The following SHBG variants were observed in gnomAD, a reference collection of about 807,000 sequenced individuals.
SHBG encodes the protein sex hormone-binding globulin.
A neutral mutation model predicts 41.9 loss-of-function variants in SHBG; 37 were observed. That is an observed-to-expected ratio of 0.88 (90% CI 0.68 to 1.16). The LOEUF is 1.16. SHBG is among the 50% of genes most tolerant of loss of function. The pLI is 0.00. For missense variants in SHBG, 466 were observed against 499.9 expected, an observed-to-expected ratio of 0.93 and a Z score of 0.65; for synonymous variants, 217 against 205.8, an observed-to-expected ratio of 1.05 and a Z score of -0.47.
chr17:7,621,094 CAAAAAAAAAAA>C (rs61026446), intron 1 of SHBG, among the ~76,000 whole-genome samples: 8 of 52,296 alleles, frequency 1.5e-4, no homozygotes, highest in East Asian at 6.1e-4. Flanking sequence ...GACCCTGTCA[CAAAAAAAAAAA>C]AAAAAAAAAA....
chr17:7,626,476 C>T (rs775731181), upstream of SHBG: 1 of 1,614,102 alleles, frequency 6.2e-7, no homozygotes, highest in Non-Finnish European at 8.5e-7. Flanking sequence ...CTCGTTGCCT[C>T]TCCTTGAAAG....
chr17:7,626,876 A>G, upstream of SHBG: 9 of 1,601,676 alleles, frequency 5.6e-6, no homozygotes, highest in Non-Finnish European at 7.7e-6. Context: ...GGCTCTGGGG[A>G]CAGGGGATAA....
At position 7,630,723 on chromosome 17, in the gene SHBG, G is replaced by C; in HGVS notation, c.247G>C (p.Val83Leu). The change falls in exon 3 of 8, where the codon GTG becomes CTG. Residue 83 changes from valine (V) to leucine (L), a missense_variant. Physicochemically the swap from Val to Leu is conservative, Grantham distance 32. Transcript: ENST00000380450. The surrounding 1 kb of genome is among the most constrained non-coding windows in gnomAD (Gnocchi z 4.6). ...GGTTCGAACCTGGGACCCAGAGGGA[G>C]TGATTTTTTATGGGGATACCAACCC... ...FEVRTWDPEG[V>L]IFYGDTNPKD... is the part of the protein sequence containing the mutation. The C allele has an allele frequency of 6.2e-7, 1 of 1,614,152 alleles. No homozygotes were observed. Among genetic ancestry groups the C allele is most frequent in the Non-Finnish European group, 8.5e-7 (1 of 1,180,032 alleles).
chr17:7,615,647 A>C (rs1316034921), intron 1 of SHBG, among the ~76,000 whole-genome samples: 1,709 of 97,434 alleles, frequency 0.018, no homozygotes, highest in Non-Finnish European at 0.019. Context: ...GGTGAAACCC[A>C]CCCCCCCCCC....
Position 7,632,175 on chromosome 17 carries a change from G to A in SHBG, c.852+160G>A, listed in dbSNP as rs563499522. On this transcript the variant is annotated intron_variant, in intron 6 of 7. Coordinates refer to ENST00000380450, the MANE Select transcript of SHBG (RefSeq NM_001040.5). ...TTTTCATTAATAATTAGCCAGGCATGGTGGTGCTTGCCTGTAATCCCAGGT... is the reference window on the plus strand; with the variant it reads ...TTTTCATTAATAATTAGCCAGGCATAGTGGTGCTTGCCTGTAATCCCAGGT... 1.5e-4 allele frequency: 117 copies of A among 794,532 alleles called. 1 individual carries two copies. In the East Asian group the frequency reaches 3.0e-3, roughly 20 times the overall value. The allele number at this position is 794,532 out of a possible 1,614,324, so 49.2% of individuals were successfully genotyped here.
At chr17:7,628,216 A>T, upstream of SHBG, 1 of 405,306 alleles carries the variant, frequency 2.5e-6, no homozygotes, top group South Asian at 1.8e-5. Flanking sequence ...ATGAAGTGTT[A>T]CCTCTTGGGG....
upstream of SHBG, among the ~76,000 whole-genome samples, chr17:7,625,830 G>A (rs1460410212): frequency 6.6e-6 from 1 of 151,180 alleles, no homozygotes; most frequent in Non-Finnish European, 1.5e-5. Flanking sequence ...GGCGGATGTT[G>A]CAGTGAGCCA....
upstream of SHBG, chr17:7,627,042 G>C (rs2072233694): frequency 6.2e-7 from 1 of 1,613,840 alleles, no homozygotes; most frequent in Non-Finnish European, 8.5e-7. This position sits in a 1 kb window ranked among gnomAD's most constrained non-coding sequence, Gnocchi z 4.8. Flanking sequence ...ACCACGCAGG[G>C]CCCTGAGAGA....
At chr17:7,622,046 T>C (rs537618831) in intron 1 of SHBG, among the ~76,000 whole-genome samples, 11 of 151,006 alleles carry the variant, frequency 7.3e-5, no homozygotes, top group Non-Finnish European at 1.6e-4. Flanking sequence ...GGTTTCACCA[T>C]GTTGGTCAGG....
Position 7,631,252 on chromosome 17 carries a change from A to C in SHBG, c.446A>C (p.Glu149Ala). ...DSVLLEVDGE[E>A]VLRLRQVSGP... ...GTGCTGCTGGAGGTGGATGGGGAGG[A>C]GGTGCTGCGCCTGAGACAGGTCTCT... The change falls in exon 4 of 8, where the codon GAG (glutamate) becomes GCG (alanine). Residue 149 changes from glutamate to alanine, a missense_variant. By Grantham distance (107) the Glu-to-Ala change is moderately radical. Coordinates refer to ENST00000380450, the MANE Select transcript of SHBG (RefSeq NM_001040.5). The C allele has an allele frequency of 9.3e-6, 15 of 1,607,310 alleles. No individual in the cohort carries two copies. Among genetic ancestry groups the C allele is most frequent in the Non-Finnish European group, 1.3e-5 (15 of 1,176,980 alleles).
chr17:7,615,519 G>T (rs1173041678), intron 1 of SHBG, among the ~76,000 whole-genome samples: 1 of 152,100 alleles, frequency 6.6e-6, no homozygotes, highest in African/African-American at 2.4e-5. Context: ...TGAAAGTTTT[G>T]GCCGGGCGCG....
In SHBG at chr17:7,620,470, C is replaced by T. The variant is rs529257907; in HGVS notation, c.-62+6359C>T. Among the ~76,000 whole-genome samples the T allele has an allele frequency of 8.5e-5, 13 of 152,220 alleles. No homozygotes were observed. In the East Asian group the frequency reaches 2.3e-3, roughly 27 times the overall value. ...TAGCTTGGATTACAGCCGTTTGCCC[C>T]CACATCTGGCTAATTTTTGTATTTT... is the stretch of plus-strand genomic sequence containing the variant. On this transcript the variant is annotated intron_variant, in intron 1 of 5. Transcript: ENST00000570547.
In SHBG at chr17:7,630,572, C is replaced by G. The variant is rs1157420709; in HGVS notation, c.203+65C>G. On this transcript the variant is annotated intron_variant, in intron 2 of 7. Transcript: ENST00000380450. This position sits in a 1 kb window ranked among gnomAD's most constrained non-coding sequence, Gnocchi z 4.6. Reference sequence around the variant, plus strand: ...CTGCCCTCTCTCCATCAGCTCTTCTCTTTTCCCTGTCTTCCTTTCCTTATC... The same window carrying G: ...CTGCCCTCTCTCCATCAGCTCTTCTGTTTTCCCTGTCTTCCTTTCCTTATC... 2.6e-6 allele frequency: 4 copies of G among 1,554,540 alleles called. No individual in the cohort carries two copies. The African/African-American group carries it at 5.4e-5, about 21-fold the overall frequency.
upstream of SHBG, chr17:7,627,411 G>T: frequency 2.5e-6 from 4 of 1,614,066 alleles, no homozygotes; most frequent in South Asian, 3.3e-5. This position sits in a 1 kb window ranked among gnomAD's most constrained non-coding sequence, Gnocchi z 4.8. Flanking sequence ...AATTCGGCTA[G>T]CTCCTAAGGC....
In SHBG at chr17:7,632,957, C is replaced by G; in HGVS notation, c.1058C>G (p.Pro353Arg). 3 of 1,613,012 alleles carry G rather than the reference C, an allele frequency of 1.9e-6. No individual in the cohort carries two copies. Among genetic ancestry groups the G allele is most frequent in the Admixed American group, 1.7e-5 (1 of 59,960 alleles). ...GGGCGTCTCTTCCTGGGGGCTTTAC[C>G]AGGTAAGAGAGAATGATGTTCAAGT... ...PQGRLFLGAL[P>R]GEDSSTSFCL... The change falls in exon 7 of 8, where the codon CCA (proline) becomes CGA (arginine). Residue 353 changes from proline (P) to arginine (R), a missense_variant and splice_region_variant. Coordinates refer to ENST00000380450, the MANE Select transcript of SHBG (RefSeq NM_001040.5).
upstream of SHBG, among the ~76,000 whole-genome samples, chr17:7,623,649 C>T (rs1206740097): frequency 1.3e-5 from 2 of 152,028 alleles, no homozygotes; most frequent in African/African-American, 2.4e-5. Flanking sequence ...TTGCAGTGAC[C>T]GGGTTTTGCC....
At chr17:7,624,157 C>T (rs755307932), upstream of SHBG, among the ~76,000 whole-genome samples, 12 of 151,898 alleles carry the variant, frequency 7.9e-5, no homozygotes, top group Non-Finnish European at 1.5e-4. Flanking sequence ...TCACCCTGTT[C>T]GCCAGGCTGG....
chr17:7,632,186 C>T, intron 6 of SHBG, 171 bp downstream of exon 6: 1 of 737,410 alleles, frequency 1.4e-6, no homozygotes, highest in Non-Finnish European at 2.3e-6. Context: ...GTGGTGCTTG[C>T]CTGTAATCCC....
In SHBG at chr17:7,632,913, C is replaced by T. The variant is rs753561781; in HGVS notation, c.1014C>T (p.Asn338=). 2.5e-6 allele frequency: 4 copies of T among 1,614,176 alleles called. No homozygotes were observed. In the South Asian group the frequency reaches 3.3e-5, roughly 13 times the overall value. The change falls in exon 7 of 8, where the codon AAC becomes AAT. Residue 338 remains asparagine, a synonymous_variant. Coordinates refer to ENST00000380450, the MANE Select transcript of SHBG (RefSeq NM_001040.5). The part of the protein sequence containing the change: ...LPPLGLAPLL[N]LWAKPQGRLF... ...CCTTAGGCCTGGCTCCCCTCCTTAA[C>T]CTCTGGGCCAAGCCTCAAGGGCGTC...
Sources: allele counts gnomAD v4.1 joint callset (sites outside exome capture counted in the v4.1 genomes callset), GRCh38; gene constraint gnomAD v4.1.1; non-coding constraint Gnocchi (gnomAD v3.1); transcripts MANE v1.5; gene names NCBI Gene and HGNC (gene_info 2026-07-23, HGNC 2026-07-21).